PRKCZ: variants seen among roughly 807,000 people sequenced by gnomAD.
The protein encoded by PRKCZ is protein kinase C zeta type.
Under a neutral mutation model 79.5 loss-of-function variants are expected in PRKCZ, and 33 were observed. The observed-to-expected ratio is 0.41, with a 90% CI of 0.31 to 0.55. The LOEUF (loss-of-function observed/expected upper bound fraction) is 0.55, where lower values mean the gene tolerates loss of function less well. PRKCZ is among the 20% of genes least tolerant of loss of function. PRKCZ has a pLI of 0.19. For synonymous variants in PRKCZ, 342 were observed against 320.9 expected, an observed-to-expected ratio of 1.07 and a Z score of -0.70; for missense variants, 578 against 813.5, an observed-to-expected ratio of 0.71 and a Z score of 3.52.
At chr1:2,086,298 C>T (rs1027997943) in intron 4 of PRKCZ, among the ~76,000 whole-genome samples, 2 of 152,072 alleles carry the variant, frequency 1.3e-5, no homozygotes, top group East Asian at 3.9e-4. Context: ...TGGCCTCAAG[C>T]GATCCTCTTG....
At chr1:2,103,325 C>T (rs945295397) in intron 4 of PRKCZ, among the ~76,000 whole-genome samples, 1 of 152,196 alleles carries the variant, frequency 6.6e-6, no homozygotes, top group Non-Finnish European at 1.5e-5. Context: ...GGAGAGCGGC[C>T]GACACAGCTG....
At chr1:2,176,802 C>T (rs887862152) in intron 16 of PRKCZ, among the ~76,000 whole-genome samples, 1 of 152,166 alleles carries the variant, frequency 6.6e-6, no homozygotes, top group African/African-American at 2.4e-5. Context: ...TGTGTGGGAC[C>T]GTGGGGGAAG....
chr1:2,176,674 T>C (rs1404309623), intron 16 of PRKCZ, among the ~76,000 whole-genome samples: 1 of 152,222 alleles, frequency 6.6e-6, no homozygotes, highest in African/African-American at 2.4e-5. Flanking sequence ...ACCCAACTTT[T>C]CCAGGCAGCC....
chr1:2,092,193 C>T (rs1025028345), intron 4 of PRKCZ, among the ~76,000 whole-genome samples: 2 of 152,142 alleles, frequency 1.3e-5, no homozygotes, highest in Non-Finnish European at 2.9e-5. Flanking sequence ...GCTTTGTCCC[C>T]TCACCCCCGC....
Position 2,109,070 on chromosome 1 carries a change from C to T in PRKCZ, c.335-26192C>T, listed in dbSNP as rs370751854. ...CCCTCTTGTGAGGACCCCGCAATGA[C>T]GTGGGCCCACCCAGATCATCCAGGA... On this transcript the variant is annotated intron_variant, in intron 4 of 17. Coordinates refer to ENST00000378567, the MANE Select transcript of PRKCZ (RefSeq NM_002744.6). Among the ~76,000 whole-genome samples the T allele has an allele frequency of 5.3e-5, 8 of 152,328 alleles. 1 individual carries two copies. The South Asian group carries it at 1.7e-3, about 32-fold the overall frequency.
chr1:2,059,334 G>A (rs1354713238), intron 3 of PRKCZ, among the ~76,000 whole-genome samples: 1 of 152,194 alleles, frequency 6.6e-6, no homozygotes, highest in Admixed American at 6.5e-5. Context: ...TTTACTCTAA[G>A]TTTTTCCGTG....
At chr1:2,064,995 CTGTT>C (rs1202517201) in intron 4 of PRKCZ, among the ~76,000 whole-genome samples, 4 of 152,190 alleles carry the variant, frequency 2.6e-5, no homozygotes, top group Admixed American at 6.5e-5. Context: ...AAGTGTGTTT[CTGTT>C]TGTTTATGTT....
intron 8 of PRKCZ, among the ~76,000 whole-genome samples, chr1:2,150,034 C>T (rs7542479): frequency 0.038 from 5,650 of 148,576 alleles, 324 homozygotes; most frequent in African/African-American, 0.13. Flanking sequence ...TGGTGGCGGG[C>T]GCCTGTAGTC....
intron 4 of PRKCZ, among the ~76,000 whole-genome samples, chr1:2,102,469 A>ACC (rs1667610588): frequency 6.6e-6 from 1 of 151,706 alleles, no homozygotes; most frequent in Admixed American, 6.6e-5. Flanking sequence ...AGTAGCTGGG[A>ACC]GTACAGGCGC....
chr1:2,073,278 G>A (rs1472730070), intron 4 of PRKCZ, among the ~76,000 whole-genome samples: 1 of 152,176 alleles, frequency 6.6e-6, no homozygotes, highest in Non-Finnish European at 1.5e-5. Flanking sequence ...ACACTGGTGG[G>A]GTTTGTGGGG....
In PRKCZ at chr1:2,079,547, C is replaced by T. The variant is rs371409282; in HGVS notation, c.334+19956C>T. On this transcript the variant is annotated intron_variant, in intron 4 of 17. Coordinates refer to ENST00000378567, the MANE Select transcript of PRKCZ (RefSeq NM_002744.6). ...TGACCTCGGCCACAACGCTGTCCAC[C>T]GTGTCCCGGACCCTCATAAGTGAGC... 1.6e-3 allele frequency among the ~76,000 whole-genome samples: 246 copies of T among 152,324 alleles called. 9 individuals are homozygous for T. In the South Asian group the frequency reaches 0.04, roughly 25 times the overall value.
intron 10 of PRKCZ, among the ~76,000 whole-genome samples, chr1:2,162,413 T>A (rs1682498882): frequency 6.6e-6 from 1 of 152,254 alleles, no homozygotes; most frequent in African/African-American, 2.4e-5. Context: ...ATTACAGGTG[T>A]AAGCCACTGG....
intron 4 of PRKCZ, among the ~76,000 whole-genome samples, chr1:2,121,547 AGTAGTTAGGG>A: frequency 4.1e-3 from 50 of 12,108 alleles, no homozygotes; most frequent in Admixed American, 5.8e-3. Flanking sequence ...GGGTTATATC[AGTAGTTAGGG>A]CTATGGCTGT....
In PRKCZ at chr1:2,183,412, A is replaced by AGAGT. The variant is rs940065047; in HGVS notation, c.1576-1160_1576-1157dup. 1.2e-4 allele frequency among the ~76,000 whole-genome samples: 18 copies of AGAGT among 151,822 alleles called. No homozygotes were observed. The East Asian group carries it at 1.4e-3, about 11-fold the overall frequency. ...CCATCTCAAAAAAAAAGTGGGCTAG[A>AGAGT]GAGTGAGTGAGTGAATGAGTGAATG... On this transcript the variant is annotated intron_variant, in intron 16 of 17. Coordinates refer to ENST00000378567, the MANE Select transcript of PRKCZ (RefSeq NM_002744.6).
At chr1:2,071,155 G>A in intron 4 of PRKCZ, 1 of 237,078 alleles carries the variant, frequency 4.2e-6, no homozygotes, top group Non-Finnish European at 8.9e-6. Context: ...TGTGACTTCA[G>A]GCATGTGGGT....
intron 4 of PRKCZ, chr1:2,074,289 G>A (rs1363861400): frequency 6.5e-7 from 1 of 1,549,502 alleles, no homozygotes; most frequent in Non-Finnish European, 8.7e-7. Context: ...TGTGGCCCAG[G>A]CCTGGTGGAT....
intron 10 of PRKCZ, among the ~76,000 whole-genome samples, chr1:2,159,683 A>G (rs1681831589): frequency 6.6e-6 from 1 of 152,238 alleles, no homozygotes; most frequent in South Asian, 2.1e-4. Flanking sequence ...TTACAGTTCA[A>G]CATTAGTCTC....
chr1:2,068,792 C>T (rs1661329227), intron 4 of PRKCZ, among the ~76,000 whole-genome samples: 2 of 152,210 alleles, frequency 1.3e-5, no homozygotes, highest in South Asian at 2.1e-4. Flanking sequence ...GTGAGAGGTT[C>T]GTGCTGCCAG....
chr1:2,157,420 T>A (rs1231056403), intron 10 of PRKCZ, among the ~76,000 whole-genome samples: 1 of 151,962 alleles, frequency 6.6e-6, no homozygotes, highest in East Asian at 1.9e-4. Flanking sequence ...TTTTTTAATG[T>A]GCTTTTCTTG....
Sources: gnomAD v4.1 joint callset for allele counts (sites outside exome capture counted in the v4.1 genomes callset) on GRCh38, gnomAD v4.1.1 for gene constraint, MANE v1.5 for transcripts, NCBI Gene and HGNC (gene_info 2026-07-23, HGNC 2026-07-21) for gene names.